Variants in THBS2 observed in about 807,000 individuals in gnomAD.
THBS2 encodes thrombospondin-2.
In THBS2, 47 loss-of-function variants were observed where a neutral mutation model predicts 135.2. That is an observed-to-expected ratio of 0.35 (90% CI 0.28 to 0.44). The LOEUF (loss-of-function observed/expected upper bound fraction) is 0.44, where lower values mean the gene tolerates loss of function less well. THBS2 is among the 20% of genes least tolerant of loss of function. The pLI is 1.00. For synonymous variants in THBS2, 639 were observed against 633.8 expected (o/e 1.01, Z -0.12); for missense variants, 1,288 against 1,603.1 (o/e 0.80, Z 3.36).
intron 6 of THBS2, 92 bp from the exon 7 acceptor site, chr6:169,239,787 C>A: frequency 1.0e-6 from 1 of 966,360 alleles, no homozygotes; most frequent in South Asian, 1.4e-5. Context: ...GACAGAATGG[C>A]TGAATGTTTT....
chr6:169,243,087 TGC>T (rs1780416368), intron 4 of THBS2, among the ~76,000 whole-genome samples: 1 of 7,960 alleles, frequency 1.3e-4, no homozygotes. Context: ...ACCTTCCCAC[TGC>T]TCCCACCTTC....
rs1347404988 is a variant in THBS2, at chr6:169,248,992, T to G, written c.53-19A>C. On this transcript the variant is annotated intron_variant, in intron 2 of 21. Transcript: ENST00000617924. ...TGACCAGCTGCAAAGGGAACCGCAGTGGAGAAGGGTGACGTAGGGGAAGAG... is the reference window on the plus strand; with the variant it reads ...TGACCAGCTGCAAAGGGAACCGCAGGGGAGAAGGGTGACGTAGGGGAAGAG... The G allele has an allele frequency of 6.3e-7, 1 of 1,578,172 alleles. No homozygotes were observed. The highest frequency in any genetic ancestry group is 1.7e-5 in the Admixed American group (1 of 58,198).
At chr6:169,242,120 G>C (rs1780327758) in intron 4 of THBS2, among the ~76,000 whole-genome samples, 162 bp from the exon 5 acceptor site, 2 of 152,156 alleles carry the variant, frequency 1.3e-5, no homozygotes. Flanking sequence ...GGACCACAGG[G>C]AGGACCATCT....
chr6:169,231,582 G>A (rs1779835328), intron 13 of THBS2, among the ~76,000 whole-genome samples: 10 of 152,198 alleles, frequency 6.6e-5, no homozygotes, highest in Admixed American at 5.9e-4. Flanking sequence ...GCTTTGGGAA[G>A]AAAACCATGT....
At chr6:169,218,178 G>C (rs964438253) in intron 21 of THBS2, among the ~76,000 whole-genome samples, 4 of 148,564 alleles carry the variant, frequency 2.7e-5, no homozygotes, top group Admixed American at 2.7e-4. Context: ...TGGATGGATG[G>C]ATGAGTGGGT....
chr6:169,241,879 G>C lies in THBS2; in HGVS notation c.774C>G (p.Ser258Arg), dbSNP rs772185055. 6.2e-7 allele frequency: 1 copy of C among 1,612,308 alleles called. No individual in the cohort carries two copies. The highest frequency in any genetic ancestry group is 2.2e-5 in the East Asian group (1 of 44,882). ...PHVTTEYVGP[S>R]SERRPEVCER... ...CGCACACCTCGGGCCTCCTCTCCGA[G>C]CTGGGGCCCACGTACTCGGTGGTGA... is the stretch of plus-strand genomic sequence containing the variant. Residue 258 changes from serine to arginine, a missense_variant, in exon 5 of 22, where the codon AGC becomes AGG. Transcript: ENST00000617924. This position sits in a 1 kb window ranked among gnomAD's most constrained non-coding sequence, Gnocchi z 5.5.
chr6:169,237,010 C>T, intron 9 of THBS2, among the ~76,000 whole-genome samples, 160 bp downstream of exon 9: 1 of 152,254 alleles, frequency 6.6e-6, no homozygotes, highest in East Asian at 1.9e-4. Flanking sequence ...GGGTTCATTA[C>T]CGAGCCAGGC....
intron 20 of THBS2, 137 bp from the exon 21 acceptor site, chr6:169,220,474 T>C: frequency 3.6e-6 from 4 of 1,111,474 alleles, no homozygotes; most frequent in Non-Finnish European, 5.1e-6. Flanking sequence ...CCAGGGGGCA[T>C]TGCTGGCTTT....
rs575542546 is a variant in THBS2, at chr6:169,228,009, A to G, written c.2419+113T>C. 463 of 1,316,190 alleles carry G rather than the reference A, an allele frequency of 3.5e-4. 1 individual carries two copies. The African/African-American group carries it at 6.4e-3, about 18-fold the overall frequency. The allele number at this position is 1,316,190 out of a possible 1,614,324, so 81.5% of individuals were successfully genotyped here. On this transcript the variant is annotated intron_variant, in intron 15 of 21. Coordinates refer to ENST00000617924, the MANE Select transcript of THBS2 (RefSeq NM_003247.5). ...AGCAGGAGACTCACTTGAACCCAAAAGGTGGAGATCGCAGTGAGCCAAGAT... is the reference window on the plus strand; with the variant it reads ...AGCAGGAGACTCACTTGAACCCAAAGGGTGGAGATCGCAGTGAGCCAAGAT...
intron 13 of THBS2, 109 bp downstream of exon 13, chr6:169,231,871 C>CTTCCAAATGTGCCGTTGT: frequency 7.9e-7 from 1 of 1,263,638 alleles, no homozygotes; most frequent in Non-Finnish European, 1.1e-6. Context: ...AGAGACCCTC[C>CTTCCAAATGTGCCGTTGT]TTCCAAATTC....
At position 169,228,176 on chromosome 6, in the gene THBS2, C is replaced by T. The variant is rs1344095258; in HGVS notation, c.2365G>A (p.Asp789Asn). The change falls in exon 15 of 22, where the codon GAC (aspartate) becomes AAC (asparagine). Residue 789 changes from aspartate (D) to asparagine (N), a missense_variant. Coordinates refer to ENST00000617924, the MANE Select transcript of THBS2 (RefSeq NM_003247.5). The part of the protein sequence containing the change: ...CPYVHNPAQI[D>N]TDNNGEGDAC... ...TCACCCTCTCCATTGTTGTCTGTGT[C>T]GATCTGGGCAGGGTTGTGCACGTAA... 4 of 1,613,854 alleles carry T rather than the reference C, an allele frequency of 2.5e-6. No individual in the cohort carries two copies. The highest frequency in any genetic ancestry group is 3.3e-5 in the Admixed American group (2 of 59,982).
At chr6:169,243,744 A>G (rs1371935866) in intron 4 of THBS2, among the ~76,000 whole-genome samples, 1 of 152,204 alleles carries the variant, frequency 6.6e-6, no homozygotes, top group African/African-American at 2.4e-5. Context: ...AAGACCGCAT[A>G]TATCTTTGCT....
At chr6:169,242,211 C>T (rs1780333425) in intron 4 of THBS2, among the ~76,000 whole-genome samples, 1 of 152,192 alleles carries the variant, frequency 6.6e-6, no homozygotes, top group East Asian at 1.9e-4. Flanking sequence ...TCCCACGCTG[C>T]CACATGTCAC....
At chr6:169,242,820 C>G (rs1780386009) in intron 4 of THBS2, among the ~76,000 whole-genome samples, 3 of 119,310 alleles carry the variant, frequency 2.5e-5, no homozygotes, top group Non-Finnish European at 5.3e-5. Context: ...CCCACCACTC[C>G]CACCTTCCCA....
chr6:169,248,352 T>C (rs1780629821), intron 3 of THBS2, 65 bp downstream of exon 3: 1 of 1,516,204 alleles, frequency 6.6e-7, no homozygotes, highest in Non-Finnish European at 8.9e-7. Context: ...CCAGACGCAT[T>C]AGCAGATCAG....
At chr6:169,248,302 T>TAGA in intron 3 of THBS2, 115 bp downstream of exon 3, 1 of 1,261,798 alleles carries the variant, frequency 7.9e-7, no homozygotes, top group Non-Finnish European at 1.1e-6. Flanking sequence ...TGCAGTGTGC[T>TAGA]TCTCTAAGGC....
intron 1 of THBS2, among the ~76,000 whole-genome samples, chr6:169,251,032 C>G (rs2115038951): frequency 6.6e-6 from 1 of 152,348 alleles, no homozygotes; most frequent in Admixed American, 6.5e-5. Context: ...GCAAGCACTG[C>G]ACATCACGTT....
At position 169,225,840 on chromosome 6, in the gene THBS2, A is replaced by G. The variant is rs999520266; in HGVS notation, c.2538+340T>C. ...AGGAAAATGGGGAGAGAATTCTGTGAAGACACAACCTCGCTCCAGCTGATG... is the reference window on the plus strand; with the variant it reads ...AGGAAAATGGGGAGAGAATTCTGTGGAGACACAACCTCGCTCCAGCTGATG... On this transcript the variant is annotated intron_variant, in intron 16 of 21. Transcript: ENST00000617924. 4.3e-4 allele frequency among the ~76,000 whole-genome samples: 65 copies of G among 152,244 alleles called. 2 individuals are homozygous for G. The highest frequency in any genetic ancestry group is 1.3e-4 in the Non-Finnish European group (9 of 68,044).
rs1193892927 is a variant in THBS2 at position 169,222,212 on chromosome 6, C to T, written c.3258G>A (p.Gly1086=). 3.7e-6 allele frequency: 6 copies of T among 1,608,226 alleles called. No individual in the cohort carries two copies. The East Asian group carries it at 8.9e-5, about 24-fold the overall frequency. ...EHLRNALWHT[G]NTPGQVRTLW... is the part of the protein sequence containing the mutation. ...CCAACCTCACCTGCCCCGGCGTGTTCCCCGTGTGCCACAGCGCGTTCCTCA... is the reference window on the plus strand; with the variant it reads ...CCAACCTCACCTGCCCCGGCGTGTTTCCCGTGTGCCACAGCGCGTTCCTCA... The change falls in exon 19 of 22, where the codon GGG becomes GGA. Residue 1086 remains glycine, a synonymous_variant. Transcript: ENST00000617924.
Sources: allele counts gnomAD v4.1 joint callset (sites outside exome capture counted in the v4.1 genomes callset), GRCh38; gene constraint gnomAD v4.1.1; non-coding constraint Gnocchi (gnomAD v3.1); transcripts MANE v1.5; gene names NCBI Gene and HGNC (gene_info 2026-07-23, HGNC 2026-07-21).